ABHD12B: variants seen among roughly 807,000 people sequenced by gnomAD.
ABHD12B encodes the protein abhydrolase domain containing 12B, also known as protein ABHD12B.
In ABHD12B, 42 loss-of-function variants were observed where a neutral mutation model predicts 50.4. The ratio of observed to expected loss-of-function variants is 0.83; its 90% CI spans 0.65 to 1.08. The LOEUF (loss-of-function observed/expected upper bound fraction) is 1.08. ABHD12B is among the 50% of genes least tolerant of loss of function. The pLI, the probability that ABHD12B is intolerant of heterozygous loss-of-function variation, is 0.00. For synonymous variants in ABHD12B, 167 were observed against 160.3 expected (o/e 1.04, Z -0.32); for missense variants, 479 against 447.7 (o/e 1.07, Z -0.63).
At chr14:50,895,684 TCA>T (rs1185158576) in intron 9 of ABHD12B, 1 of 152,110 alleles carries the variant, frequency 6.6e-6, no homozygotes, top group African/African-American at 2.4e-5. Context: ...CCCTAGACCA[TCA>T]CAGACGCCGA....
chr14:50,889,644 G>GA (rs143782732), intron 9 of ABHD12B, among the ~76,000 whole-genome samples: 91 of 151,326 alleles, frequency 6.0e-4, no homozygotes, highest in African/African-American at 1.8e-3. Flanking sequence ...CTCAAAGAAA[G>GA]AAAAAAAAAT....
chr14:50,874,548 C>T (rs888745197), intron 1 of ABHD12B, among the ~76,000 whole-genome samples: 5 of 151,566 alleles, frequency 3.3e-5, no homozygotes, highest in Non-Finnish European at 7.4e-5. Flanking sequence ...TGGAGTGAGC[C>T]GAGATCGCAC....
intron 9 of ABHD12B, among the ~76,000 whole-genome samples, chr14:50,900,388 T>C (rs750131654): frequency 6.6e-6 from 1 of 152,238 alleles, no homozygotes; most frequent in Non-Finnish European, 1.5e-5. Flanking sequence ...GTCTATTATG[T>C]ACCAGGAACT....
intron 9 of ABHD12B, among the ~76,000 whole-genome samples, chr14:50,896,078 T>C (rs567987052): frequency 2.1e-4 from 32 of 152,140 alleles, no homozygotes; most frequent in East Asian, 5.8e-4. Flanking sequence ...AAGTATAAGA[T>C]ACCTCTACTC....
intron 9 of ABHD12B, chr14:50,892,983 C>A (rs2050138910): frequency 6.6e-6 from 1 of 152,148 alleles, no homozygotes. Flanking sequence ...CTCTCAAGAT[C>A]CAAGAATATA....
intron 5 of ABHD12B, among the ~76,000 whole-genome samples, chr14:50,884,961 T>C (rs558509373): frequency 1.3e-5 from 2 of 152,330 alleles, no homozygotes; most frequent in East Asian, 1.9e-4. Flanking sequence ...TGATTGCTTC[T>C]ACTACAACTC....
chr14:50,876,730 T>C (rs2049869016), intron 1 of ABHD12B, among the ~76,000 whole-genome samples: 1 of 152,236 alleles, frequency 6.6e-6, no homozygotes, highest in African/African-American at 2.4e-5. Flanking sequence ...CTTTCCAGTC[T>C]CATTTGCAAA....
chr14:50,881,513 A>G, intron 4 of ABHD12B, 83 bp from the exon 5 acceptor site: 2 of 1,469,734 alleles, frequency 1.4e-6, no homozygotes, highest in Non-Finnish European at 1.9e-6. Flanking sequence ...AGATACCAGC[A>G]GCACGAGAGT....
intron 5 of ABHD12B, among the ~76,000 whole-genome samples, chr14:50,884,675 TTTTC>T (rs895053590): frequency 9.2e-5 from 14 of 151,950 alleles, no homozygotes; most frequent in African/African-American, 3.4e-4. Flanking sequence ...TTTATCTCTC[TTTTC>T]TTTATCTATG....
At position 50,904,956 on chromosome 14, in the gene ABHD12B, G is replaced by T; in HGVS notation, c.*590G>T. 1 of 248,284 alleles carries T rather than the reference G, an allele frequency of 4.0e-6. No homozygotes were observed. Among genetic ancestry groups the T allele is most frequent in the Non-Finnish European group, 7.6e-6 (1 of 130,768 alleles). The allele number at this position is 248,284 out of a possible 1,614,324, so 15.4% of individuals were successfully genotyped here. A position where few individuals can be genotyped will look rare whatever the true frequency, so the allele number is the denominator to read the frequency against. On this transcript the variant is annotated 3_prime_UTR_variant, in exon 13 of 13. Transcript: ENST00000337334. ...CCAGAACTGTGAGAAATAAATTTCTGTTGTTTATAAGCTACCCAGTTTATG... is the reference window on the plus strand; with the variant it reads ...CCAGAACTGTGAGAAATAAATTTCTTTTGTTTATAAGCTACCCAGTTTATG...
At chr14:50,879,291 T>A (rs929762200) in intron 3 of ABHD12B, among the ~76,000 whole-genome samples, 2 of 152,232 alleles carry the variant, frequency 1.3e-5, no homozygotes, top group Non-Finnish European at 2.9e-5. Flanking sequence ...GTATGTGCTG[T>A]CATGGCCATC....
At position 50,876,738 on chromosome 14, in the gene ABHD12B, A is replaced by C. The variant is rs564717609; in HGVS notation, c.105-1214A>C. Among the ~76,000 whole-genome samples, 6 of 152,314 alleles carry C rather than the reference A, an allele frequency of 3.9e-5. No individual in the cohort carries two copies. The South Asian group carries it at 1.2e-3, about 32-fold the overall frequency. ...TACTTAACTTTCCAGTCTCATTTGC[A>C]AAGCAAAGGTAATAATTATCTTCCA... On this transcript the variant is annotated intron_variant, in intron 1 of 12. Transcript: ENST00000337334.
chr14:50,903,080 C>T (rs1046861665), intron 10 of ABHD12B, among the ~76,000 whole-genome samples: 2 of 150,666 alleles, frequency 1.3e-5, no homozygotes, highest in African/African-American at 4.9e-5. Context: ...TCTTCTAACA[C>T]TGTACAAAAT....
At chr14:50,897,704 T>C (rs1395037984) in intron 9 of ABHD12B, among the ~76,000 whole-genome samples, 1 of 152,234 alleles carries the variant, frequency 6.6e-6, no homozygotes, top group Non-Finnish European at 1.5e-5. Context: ...CTTGGCCACA[T>C]ACCCTTTGTG....
At chr14:50,879,290 G>A (rs918435552) in intron 3 of ABHD12B, among the ~76,000 whole-genome samples, 1 of 152,182 alleles carries the variant, frequency 6.6e-6, no homozygotes, top group African/African-American at 2.4e-5. Context: ...GGTATGTGCT[G>A]TCATGGCCAT....
intron 1 of ABHD12B, among the ~76,000 whole-genome samples, chr14:50,873,066 G>C (rs1201199531): frequency 1.3e-5 from 2 of 152,162 alleles, no homozygotes; most frequent in African/African-American, 2.4e-5. Context: ...GTTGGTGTGG[G>C]AAGGTATTGG....
intron 6 of ABHD12B, 47 bp downstream of exon 6, chr14:50,885,706 C>A: frequency 6.2e-7 from 1 of 1,614,028 alleles, no homozygotes; most frequent in East Asian, 2.2e-5. Flanking sequence ...AACCAGGGGG[C>A]CTCTGATGAC....
intron 10 of ABHD12B, 151 bp from the exon 11 acceptor site, chr14:50,903,238 A>G: frequency 2.1e-6 from 1 of 467,288 alleles, no homozygotes; most frequent in East Asian, 3.9e-5. Context: ...TGAAATTTTT[A>G]AATGTATGAT....
chr14:50,901,430 A>G (rs1057028040), intron 9 of ABHD12B, among the ~76,000 whole-genome samples: 23 of 152,220 alleles, frequency 1.5e-4, no homozygotes, highest in African/African-American at 5.5e-4. Flanking sequence ...TTTTCTATGT[A>G]TTGTATATTT....
Sources: allele counts gnomAD v4.1 joint callset (sites outside exome capture counted in the v4.1 genomes callset), GRCh38; gene constraint gnomAD v4.1.1; transcripts MANE v1.5; gene names NCBI Gene and HGNC (gene_info 2026-07-23, HGNC 2026-07-21).